Variants in SLC25A26 observed in about 807,000 individuals in gnomAD.
SLC25A26 encodes solute carrier family 25 member 26.
A neutral mutation model predicts 37.8 loss-of-function variants in SLC25A26; 36 were observed. The ratio of observed to expected loss-of-function variants is 0.95; its 90% CI spans 0.73 to 1.26. The LOEUF is 1.26. Among genes scored for constraint, SLC25A26 ranks in the 50% most tolerant of loss-of-function variants. The probability of loss-of-function intolerance (pLI) is 0.00; values close to 1 mark genes in which losing one functional copy is unlikely to be tolerated. For missense variants in SLC25A26, 390 were observed against 331.1 expected, an observed-to-expected ratio of 1.18 and a Z score of -1.38; for synonymous variants, 129 against 122.5, an observed-to-expected ratio of 1.05 and a Z score of -0.35.
At chr3:66,160,145 G>C (rs1470699685) in intron 1 of SLC25A26, among the ~76,000 whole-genome samples, 1 of 152,100 alleles carries the variant, frequency 6.6e-6, no homozygotes, top group African/African-American at 2.4e-5. Context: ...TGGGATTACA[G>C]TCATGCGCCA....
At chr3:66,304,591 A>G (rs2107573914) in intron 5 of SLC25A26, 1 of 396,914 alleles carries the variant, frequency 2.5e-6, no homozygotes, top group Non-Finnish European at 5.0e-6. Context: ...GATATACGCT[A>G]CATGGTTCAC....
chr3:66,365,882 A>T (rs1222810790), intron 7 of SLC25A26, among the ~76,000 whole-genome samples: 1 of 152,164 alleles, frequency 6.6e-6, no homozygotes, highest in African/African-American at 2.4e-5. Context: ...CTGGAGGAGC[A>T]ATGAATGGCA....
chr3:66,260,542 T>G (rs140234970), intron 3 of SLC25A26, among the ~76,000 whole-genome samples: 24 of 152,342 alleles, frequency 1.6e-4, no homozygotes, highest in African/African-American at 5.8e-4. Flanking sequence ...TTGTAATGCA[T>G]CGGTATGAAG....
At chr3:66,279,425 C>A (rs981419194) in intron 5 of SLC25A26, among the ~76,000 whole-genome samples, 29 of 152,224 alleles carry the variant, frequency 1.9e-4, no homozygotes, top group African/African-American at 7.0e-4. Context: ...ACACCTGGTG[C>A]TACAGTGTCC....
At position 66,352,479 on chromosome 3, in the gene SLC25A26, G is replaced by A. The variant is rs542649901; in HGVS notation, c.498+6071G>A. On this transcript the variant is annotated intron_variant, in intron 6 of 9. Coordinates refer to ENST00000354883, the MANE Select transcript of SLC25A26 (RefSeq NM_001379210.1). ...GAGATGTACCAAGGCCTTTACATTT[G>A]TAGATCTCCCTGCTAGAAATATTCT... 7.8e-5 allele frequency among the ~76,000 whole-genome samples: 11 copies of A among 141,144 alleles called. 1 individual carries two copies. Among genetic ancestry groups the A allele is most frequent in the African/African-American group, 3.2e-4 (11 of 34,468 alleles). 92.6% of individuals were successfully genotyped at this position (141,144 alleles called of 152,430 possible). A position where few individuals can be genotyped will look rare whatever the true frequency, so the allele number is the denominator to read the frequency against.
chr3:66,189,894 A>G (rs1353211750), intron 1 of SLC25A26, among the ~76,000 whole-genome samples: 1 of 152,050 alleles, frequency 6.6e-6, no homozygotes, highest in Non-Finnish European at 1.5e-5. Flanking sequence ...GGAACTCCTC[A>G]GTTCAAGTGA....
chr3:66,259,160 G>A (rs549715239), intron 3 of SLC25A26, among the ~76,000 whole-genome samples: 1 of 152,264 alleles, frequency 6.6e-6, no homozygotes, highest in Non-Finnish European at 1.5e-5. Context: ...CGGAAGCTGG[G>A]CTGCCAGAGA....
At chr3:66,189,212 C>A (rs1231060574) in intron 1 of SLC25A26, among the ~76,000 whole-genome samples, 1 of 151,824 alleles carries the variant, frequency 6.6e-6, no homozygotes, top group African/African-American at 2.4e-5. Flanking sequence ...CTGACCCTGA[C>A]CTTAACCATC....
rs115258511 is a variant in SLC25A26 at position 66,144,693 on chromosome 3, G to C, written c.-354+10709G>C. Among the ~76,000 whole-genome samples, 580 of 152,322 alleles carry C rather than the reference G, an allele frequency of 3.8e-3. 6 individuals are homozygous for C. The highest frequency in any genetic ancestry group is 0.013 in the African/African-American group (552 of 41,568). ...AAGTAAAGGAGGTTGCACCGAGGCT[G>C]AGAAAATAGAGTGATCATTGTGCAC... On this transcript the variant is annotated intron_variant, in intron 1 of 10. Transcript: ENST00000676754.
At chr3:66,231,107 A>G (rs1016529798) in intron 1 of SLC25A26, among the ~76,000 whole-genome samples, 13 of 152,182 alleles carry the variant, frequency 8.5e-5, no homozygotes, top group Non-Finnish European at 1.5e-4. Context: ...CCTGGGAGGC[A>G]GAGGTTGCAT....
At chr3:66,356,697 CTGA>C (rs1229047327) in intron 6 of SLC25A26, among the ~76,000 whole-genome samples, 1 of 152,136 alleles carries the variant, frequency 6.6e-6, no homozygotes, top group African/African-American at 2.4e-5. Context: ...GGTGTGATCG[CTGA>C]TAACTGCAGC....
intron 1 of SLC25A26, among the ~76,000 whole-genome samples, chr3:66,231,340 C>G (rs1445569765): frequency 6.6e-6 from 1 of 152,020 alleles, no homozygotes; most frequent in Non-Finnish European, 1.5e-5. Flanking sequence ...TTCTATATAT[C>G]AAGTACAACC....
intron 5 of SLC25A26, among the ~76,000 whole-genome samples, chr3:66,308,382 C>T (rs918745345): frequency 5.3e-5 from 8 of 152,176 alleles, no homozygotes; most frequent in Non-Finnish European, 7.3e-5. Context: ...AGTTGCTTAT[C>T]GGCTTAAGGA....
At chr3:66,361,362 C>T (rs938072876) in intron 6 of SLC25A26, among the ~76,000 whole-genome samples, 1 of 152,040 alleles carries the variant, frequency 6.6e-6, no homozygotes, top group Non-Finnish European at 1.5e-5. Flanking sequence ...AGATGTGACA[C>T]CAAAAGCAAG....
At chr3:66,135,649 C>T (rs2069935576) in intron 1 of SLC25A26, among the ~76,000 whole-genome samples, 1 of 152,090 alleles carries the variant, frequency 6.6e-6, no homozygotes, top group Non-Finnish European at 1.5e-5. Context: ...TACTTGTAAT[C>T]TCAGCTACTT....
At chr3:66,267,034 C>T (rs2073780938) in intron 5 of SLC25A26, among the ~76,000 whole-genome samples, 1 of 152,168 alleles carries the variant, frequency 6.6e-6, no homozygotes, top group Non-Finnish European at 1.5e-5. Context: ...GGAGTGCCTA[C>T]TGGGTCTTGG....
At chr3:66,181,484 C>T (rs147034830) in intron 1 of SLC25A26, among the ~76,000 whole-genome samples, 87 of 152,306 alleles carry the variant, frequency 5.7e-4, no homozygotes, top group Middle Eastern at 3.4e-3. Context: ...ATGCTAGCTA[C>T]GACACTGAGC....
At chr3:66,165,193 C>A (rs921484828) in intron 1 of SLC25A26, among the ~76,000 whole-genome samples, 1 of 152,198 alleles carries the variant, frequency 6.6e-6, no homozygotes, top group Admixed American at 6.5e-5. Context: ...CACCAACACC[C>A]ACCTTCAACT....
At chr3:66,357,823 A>G (rs1490561700) in intron 6 of SLC25A26, among the ~76,000 whole-genome samples, 2 of 152,208 alleles carry the variant, frequency 1.3e-5, no homozygotes, top group African/African-American at 4.8e-5. Flanking sequence ...GTTGAGCTGT[A>G]TATGATAGTG....
Sources: allele counts gnomAD v4.1 joint callset (sites outside exome capture counted in the v4.1 genomes callset), GRCh38; gene constraint gnomAD v4.1.1; transcripts MANE v1.5; gene names NCBI Gene and HGNC (gene_info 2026-07-23, HGNC 2026-07-21).